Variants in RHBDD1 observed in about 807,000 individuals in gnomAD.
RHBDD1 encodes rhomboid domain containing 1.
In RHBDD1, 38 loss-of-function variants were observed where a neutral mutation model predicts 36.3. The ratio of observed to expected loss-of-function variants is 1.05; its 90% CI spans 0.81 to 1.37. The LOEUF (loss-of-function observed/expected upper bound fraction) is 1.37, where lower values mean the gene tolerates loss of function less well. Ranked by LOEUF, RHBDD1 falls within the 40% of genes most tolerant of loss-of-function variation. The pLI is 0.00. For synonymous variants in RHBDD1, 151 were observed against 136.5 expected (o/e 1.11, Z -0.74); for missense variants, 393 against 377.6 (o/e 1.04, Z -0.34).
chr2:226,893,654 G>T (rs1189230020), intron 5 of RHBDD1, among the ~76,000 whole-genome samples: 2 of 152,202 alleles, frequency 1.3e-5, no homozygotes, highest in Admixed American at 1.3e-4. Context: ...AGCATATTTT[G>T]TGTGCTAAGC....
chr2:226,954,269 G>A (rs995455921), intron 8 of RHBDD1, among the ~76,000 whole-genome samples: 3 of 152,112 alleles, frequency 2.0e-5, no homozygotes, highest in Admixed American at 6.5e-5. Context: ...TTAATAGTGA[G>A]GGTGATTGAT....
At chr2:226,827,336 A>T in the RHBDD1 span, among the ~76,000 whole-genome samples, 9 of 152,198 alleles carry the variant, frequency 5.9e-5, no homozygotes, top group Non-Finnish European at 1.0e-4. Flanking sequence ...TAACCTTTCC[A>T]TTATCCCAAA....
chr2:226,993,171 C>G (rs1958643774), intron 8 of RHBDD1, among the ~76,000 whole-genome samples: 1 of 152,162 alleles, frequency 6.6e-6, no homozygotes, highest in Non-Finnish European at 1.5e-5. Flanking sequence ...CCAGGCAGTT[C>G]CCTTCATGGA....
At chr2:226,894,896 T>C (rs2125532142) in intron 5 of RHBDD1, among the ~76,000 whole-genome samples, 1 of 151,848 alleles carries the variant, frequency 6.6e-6, no homozygotes, top group Admixed American at 6.6e-5. Context: ...CCTGAGGGAG[T>C]GTGGTCACAC....
rs958114814 is a variant in RHBDD1, at chr2:226,867,776, T to C, written c.566+458T>C. 4.1e-5 allele frequency: 23 copies of C among 557,176 alleles called. No individual in the cohort carries two copies. In the African/African-American group the frequency reaches 4.8e-4, roughly 12 times the overall value. The allele number at this position is 557,176 out of a possible 1,614,324, so 34.5% of individuals were successfully genotyped here. A position where few individuals can be genotyped will look rare whatever the true frequency, so the allele number is the denominator to read the frequency against. On this transcript the variant is annotated intron_variant, in intron 5 of 8. Coordinates refer to ENST00000392062, the MANE Select transcript of RHBDD1 (RefSeq NM_001167608.3). Reference sequence around the variant, plus strand: ...CTCTGTTACCCAGGTTGGAGTGCAGTGGCGTGATCTCAGCTCACTGCAACC... The same window carrying C: ...CTCTGTTACCCAGGTTGGAGTGCAGCGGCGTGATCTCAGCTCACTGCAACC...
At chr2:226,988,057 A>G (rs904402479) in intron 8 of RHBDD1, among the ~76,000 whole-genome samples, 1 of 152,236 alleles carries the variant, frequency 6.6e-6, no homozygotes, top group African/African-American at 2.4e-5. Context: ...GATGAAAGTC[A>G]TAGCAGGTGG....
At chr2:226,862,892 G>A (rs185087166) in intron 3 of RHBDD1, among the ~76,000 whole-genome samples, 85 of 152,348 alleles carry the variant, frequency 5.6e-4, no homozygotes, top group Non-Finnish European at 1.1e-3. Flanking sequence ...AGGGAGTGGG[G>A]AGGTGCCAGT....
At chr2:226,854,949 A>G (rs959352404) in intron 3 of RHBDD1, among the ~76,000 whole-genome samples, 1 of 152,314 alleles carries the variant, frequency 6.6e-6, no homozygotes, top group South Asian at 2.1e-4. Flanking sequence ...CTTTCAGTGT[A>G]TAATACATGT....
intron 5 of RHBDD1, among the ~76,000 whole-genome samples, chr2:226,874,666 A>G (rs1945069998): frequency 6.6e-6 from 1 of 152,122 alleles, no homozygotes; most frequent in Admixed American, 6.5e-5. Flanking sequence ...TTTAGGAGTC[A>G]CCCTGGTAAT....
intron 5 of RHBDD1, among the ~76,000 whole-genome samples, chr2:226,901,995 G>T (rs895327135): frequency 6.6e-6 from 1 of 152,166 alleles, no homozygotes; most frequent in Non-Finnish European, 1.5e-5. Context: ...CTGTGGTCAT[G>T]GATGTAGAGT....
the RHBDD1 span, among the ~76,000 whole-genome samples, chr2:226,816,393 A>AAAG: frequency 2.2e-4 from 33 of 150,026 alleles, no homozygotes; most frequent in African/African-American, 7.8e-4. Flanking sequence ...AAAAAAAAAA[A>AAAG]AAAGAAAAAA....
chr2:226,941,347 T>C (rs1300622000), intron 8 of RHBDD1, among the ~76,000 whole-genome samples: 1 of 152,228 alleles, frequency 6.6e-6, no homozygotes, highest in Non-Finnish European at 1.5e-5. Flanking sequence ...TTCAGCCTTC[T>C]GGGCTTGACT....
At chr2:226,926,236 A>T (rs534894508) in intron 8 of RHBDD1, among the ~76,000 whole-genome samples, 1,617 of 152,184 alleles carry the variant, frequency 0.011, 14 homozygotes, top group Non-Finnish European at 0.016. Flanking sequence ...AAAAAAAAAA[A>T]AAATAAGGGC....
chr2:226,954,816 A>G (rs992146060), intron 8 of RHBDD1, among the ~76,000 whole-genome samples: 2 of 152,116 alleles, frequency 1.3e-5, no homozygotes, highest in Non-Finnish European at 2.9e-5. Context: ...GATAATTAAC[A>G]TTTAAGTTGA....
At chr2:226,904,435 G>T (rs1468855262) in intron 5 of RHBDD1, among the ~76,000 whole-genome samples, 1 of 151,496 alleles carries the variant, frequency 6.6e-6, no homozygotes, top group Non-Finnish European at 1.5e-5. Flanking sequence ...GGGGGTCAGG[G>T]AACTCCTGTT....
chr2:226,859,213 A>T (rs997085862), intron 3 of RHBDD1, among the ~76,000 whole-genome samples: 4 of 152,188 alleles, frequency 2.6e-5, no homozygotes, highest in African/African-American at 9.7e-5. Context: ...TTCTGTATCC[A>T]TGGATTCAGC....
chr2:226,964,644 C>T (rs927051663), intron 8 of RHBDD1, among the ~76,000 whole-genome samples: 4 of 152,246 alleles, frequency 2.6e-5, no homozygotes, highest in Admixed American at 2.0e-4. Context: ...AAGGACATCT[C>T]AGATGCATCA....
At chr2:226,805,783 T>A in the RHBDD1 span, among the ~76,000 whole-genome samples, 1 of 152,252 alleles carries the variant, frequency 6.6e-6, no homozygotes, top group East Asian at 1.9e-4. Flanking sequence ...TCCCATGCCC[T>A]CTATTCAGTG....
intron 8 of RHBDD1, among the ~76,000 whole-genome samples, chr2:226,925,732 A>T (rs1949623144): frequency 6.6e-6 from 1 of 152,190 alleles, no homozygotes; most frequent in Non-Finnish European, 1.5e-5. Context: ...GTTTCCTTGA[A>T]ACTAGTTTCG....
Sources: gnomAD v4.1 joint callset for allele counts (sites outside exome capture counted in the v4.1 genomes callset) on GRCh38, gnomAD v4.1.1 for gene constraint, MANE v1.5 for transcripts, NCBI Gene and HGNC (gene_info 2026-07-23, HGNC 2026-07-21) for gene names.